Variants in IPO5 observed in about 807,000 individuals in gnomAD.
IPO5 encodes importin-5.
In IPO5, 18 loss-of-function variants were observed where a neutral mutation model predicts 143.3. The ratio of observed to expected loss-of-function variants is 0.13; its 90% CI spans 0.09 to 0.19. The LOEUF (loss-of-function observed/expected upper bound fraction) is 0.19, where lower values mean the gene tolerates loss of function less well. Among genes scored for constraint, IPO5 ranks in the 10% least tolerant of loss-of-function variants. The pLI is 1.00. For synonymous variants in IPO5, 477 were observed against 465.7 expected (o/e 1.02, Z -0.31); for missense variants, 1,013 against 1,336.9 (o/e 0.76, Z 3.78).
chr13:97,986,617 T>C (rs1887374137), intron 6 of IPO5, among the ~76,000 whole-genome samples: 1 of 152,130 alleles, frequency 6.6e-6, no homozygotes, highest in Non-Finnish European at 1.5e-5. Context: ...CCCAAAGTGA[T>C]GGGATTACAG....
chr13:98,017,868 C>T (rs888571832), intron 25 of IPO5, among the ~76,000 whole-genome samples: 8 of 151,840 alleles, frequency 5.3e-5, no homozygotes, highest in African/African-American at 1.9e-4. Flanking sequence ...GGGGTTTCAC[C>T]ATATCGGCCA....
intron 3 of IPO5, among the ~76,000 whole-genome samples, chr13:97,971,871 G>C (rs760745386): frequency 6.6e-6 from 1 of 152,082 alleles, no homozygotes; most frequent in Non-Finnish European, 1.5e-5. Context: ...TAATTATTGA[G>C]TATCTACTTA....
intron 17 of IPO5, chr13:98,007,426 G>T (rs1205722239): frequency 6.6e-6 from 1 of 152,218 alleles, no homozygotes; most frequent in East Asian, 1.9e-4. Context: ...TCTCAGAATT[G>T]TTCAAGCTAA....
intron 16 of IPO5, among the ~76,000 whole-genome samples, chr13:98,004,369 A>C (rs1371820990): frequency 6.6e-6 from 1 of 152,212 alleles, no homozygotes; most frequent in African/African-American, 2.4e-5. Context: ...ATGACAGCAG[A>C]CTAAGAATAT....
intron 12 of IPO5, 71 bp from the exon 13 acceptor site, chr13:98,000,468 A>G (rs1209637717): frequency 3.2e-6 from 3 of 937,968 alleles, no homozygotes; most frequent in East Asian, 4.8e-5. Context: ...GGTTAGAAGT[A>G]TGTCTGTAGA....
intron 7 of IPO5, 111 bp downstream of exon 7, chr13:97,989,275 G>T: frequency 1.8e-6 from 1 of 557,442 alleles, no homozygotes; most frequent in Non-Finnish European, 3.0e-6. Context: ...TGATAATAAT[G>T]CCTTTACATA....
intron 3 of IPO5, among the ~76,000 whole-genome samples, chr13:97,974,677 G>A (rs1308067699): frequency 3.2e-5 from 3 of 94,002 alleles, no homozygotes; most frequent in African/African-American, 2.0e-4. Flanking sequence ...ATACCCCAAC[G>A]ACCCACAAAA....
Position 97,969,895 on chromosome 13 carries a change from C to A in IPO5, c.-5+65C>A. The A allele has an allele frequency of 5.5e-6, 7 of 1,267,102 alleles. 1 individual carries two copies. The highest frequency in any genetic ancestry group is 6.9e-6 in the Non-Finnish European group (6 of 874,846). 78.5% of individuals were successfully genotyped at this position (1,267,102 alleles called of 1,614,324 possible). On this transcript the variant is annotated intron_variant, in intron 3 of 28. Transcript: ENST00000651721. ...GTTTTTTTTAAAAGAGACAAGGTCT[C>A]GCCATGTTGCCCAGGCTGGTCTCGA...
At chr13:98,013,992 C>A in intron 21 of IPO5, 50 bp from the exon 22 acceptor site, 1 of 1,547,950 alleles carries the variant, frequency 6.5e-7, no homozygotes, top group Non-Finnish European at 8.7e-7. Flanking sequence ...AACCCTTTAA[C>A]ATTTAAGCAA....
chr13:97,969,476 C>G (rs1423578518), intron 2 of IPO5, among the ~76,000 whole-genome samples: 1 of 152,000 alleles, frequency 6.6e-6, no homozygotes, highest in Non-Finnish European at 1.5e-5. Context: ...GCCACTGCAC[C>G]CGGCCTCTGC....
chr13:97,966,355 C>A (rs78039536), intron 2 of IPO5, among the ~76,000 whole-genome samples: 3,752 of 152,160 alleles, frequency 0.025, 65 homozygotes, highest in Middle Eastern at 0.044. Context: ...GGATTGGATT[C>A]TGTGAAAAGC....
chr13:97,994,131 AC>A (rs1888038705), intron 11 of IPO5, among the ~76,000 whole-genome samples: 1 of 151,988 alleles, frequency 6.6e-6, no homozygotes, highest in South Asian at 2.1e-4. Flanking sequence ...ACATGCTAAA[AC>A]CCCGTTTCTA....
chr13:97,961,527 C>T (rs1884882943), intron 2 of IPO5, among the ~76,000 whole-genome samples: 1 of 152,178 alleles, frequency 6.6e-6, no homozygotes, highest in African/African-American at 2.4e-5. Context: ...TTGGCTGTAA[C>T]ATTTTATGTT....
At chr13:97,960,827 G>A (rs1189138364) in intron 2 of IPO5, among the ~76,000 whole-genome samples, 4 of 152,128 alleles carry the variant, frequency 2.6e-5, no homozygotes, top group Non-Finnish European at 1.5e-5. Context: ...CCAAAGTGCT[G>A]GGATTACAGG....
intron 12 of IPO5, among the ~76,000 whole-genome samples, chr13:97,998,787 T>C (rs1368075599): frequency 6.6e-6 from 1 of 152,194 alleles, no homozygotes; most frequent in Non-Finnish European, 1.5e-5. Flanking sequence ...GTTAATGGAC[T>C]GGGGTTAATT....
chr13:98,021,546 GAA>G (rs1162323343), intron 28 of IPO5, 188 bp from the exon 29 acceptor site: 1 of 416,228 alleles, frequency 2.4e-6, no homozygotes, highest in African/African-American at 2.0e-5. Context: ...CAAAAATGAA[GAA>G]AACTTACTGG....
intron 20 of IPO5, 60 bp downstream of exon 20, chr13:98,010,284 G>GC: frequency 6.8e-7 from 1 of 1,471,630 alleles, no homozygotes; most frequent in East Asian, 2.3e-5. Flanking sequence ...TTTCATATGA[G>GC]TGCTTTTAAT....
At chr13:97,977,452 A>G (rs908854923) in intron 4 of IPO5, among the ~76,000 whole-genome samples, 2 of 152,204 alleles carry the variant, frequency 1.3e-5, no homozygotes, top group African/African-American at 4.8e-5. Context: ...CTGGGCTTAT[A>G]ATACACTTAC....
rs1240053588 is a variant in IPO5 at position 97,984,001 on chromosome 13, C to T, written c.171+1418C>T. 1.1e-4 allele frequency among the ~76,000 whole-genome samples: 7 copies of T among 65,478 alleles called. No individual in the cohort carries two copies. In the East Asian group the frequency reaches 2.9e-3, roughly 27 times the overall value. The allele number at this position is 65,478 out of a possible 152,430, so 43.0% of individuals were successfully genotyped here. A position where few individuals can be genotyped will look rare whatever the true frequency, so the allele number is the denominator to read the frequency against. ...TTTTTTTTTTTTTTTTTTTTTGAGACGGAGTCTCGCTCTGTCGCCCAGGCT... is the reference window on the plus strand; with the variant it reads ...TTTTTTTTTTTTTTTTTTTTTGAGATGGAGTCTCGCTCTGTCGCCCAGGCT... On this transcript the variant is annotated intron_variant, in intron 5 of 28. Transcript: ENST00000651721.
Sources: allele counts gnomAD v4.1 joint callset (sites outside exome capture counted in the v4.1 genomes callset), GRCh38; gene constraint gnomAD v4.1.1; transcripts MANE v1.5; gene names NCBI Gene and HGNC (gene_info 2026-07-23, HGNC 2026-07-21).